Variants in DNM3 observed in about 807,000 individuals in gnomAD.
The protein encoded by DNM3 is dynamin 3.
Under a neutral mutation model 101.6 loss-of-function variants are expected in DNM3, and 47 were observed. That is an observed-to-expected ratio of 0.46 (90% confidence interval 0.37 to 0.59). DNM3 has a LOEUF of 0.59. Among genes scored for constraint, DNM3 ranks in the 20% least tolerant of loss-of-function variants. The pLI, the probability that DNM3 is intolerant of heterozygous loss-of-function variation, is 0.00. For synonymous variants in DNM3, 385 were observed against 387.9 expected (o/e 0.99, Z 0.09); for missense variants, 849 against 1,085.7 (o/e 0.78, Z 3.06).
At chr1:172,387,649 C>T (rs2069269289) in intron 19 of DNM3, among the ~76,000 whole-genome samples, 1 of 151,030 alleles carries the variant, frequency 6.6e-6, no homozygotes, top group South Asian at 2.1e-4. Context: ...CAGAGCAAGA[C>T]TCCGTCTCAA....
intron 4 of DNM3, among the ~76,000 whole-genome samples, chr1:172,026,547 T>A (rs10797716): frequency 2.6e-5 from 4 of 151,598 alleles, no homozygotes; most frequent in Non-Finnish European, 4.4e-5. Context: ...ATGTTAAGGG[T>A]AGCCAGAGAG....
intron 9 of DNM3, among the ~76,000 whole-genome samples, chr1:172,045,690 G>T (rs966739224): frequency 6.6e-6 from 1 of 152,162 alleles, no homozygotes; most frequent in Non-Finnish European, 1.5e-5. Context: ...ATAACTTAAT[G>T]AACATATGTT....
chr1:171,907,610 G>T (rs938510349), intron 1 of DNM3, among the ~76,000 whole-genome samples: 1 of 152,054 alleles, frequency 6.6e-6, no homozygotes, highest in African/African-American at 2.4e-5. Flanking sequence ...AGGTGATCTG[G>T]CGCCCCTTTC....
chr1:172,115,587 CT>C, intron 13 of DNM3, among the ~76,000 whole-genome samples: 1 of 152,312 alleles, frequency 6.6e-6, no homozygotes, highest in African/African-American at 2.4e-5. Context: ...GCTCCTCCCC[CT>C]CTCGCTCACT....
chr1:172,275,841 G>A (rs2063265252), intron 15 of DNM3, among the ~76,000 whole-genome samples: 1 of 152,036 alleles, frequency 6.6e-6, no homozygotes, highest in African/African-American at 2.4e-5. Context: ...TTTCCTTACT[G>A]AAGTGTTTTA....
chr1:172,405,502 T>C (rs1248427920), intron 20 of DNM3, among the ~76,000 whole-genome samples: 1 of 152,052 alleles, frequency 6.6e-6, no homozygotes, highest in Non-Finnish European at 1.5e-5. Context: ...TTCATTCCTT[T>C]CTCTCTTGGC....
chr1:172,001,366 T>G (rs2125672684), intron 4 of DNM3, among the ~76,000 whole-genome samples: 1 of 152,094 alleles, frequency 6.6e-6, no homozygotes, highest in South Asian at 2.1e-4. Context: ...GGCTGAACCG[T>G]TCACCCTTGA....
At chr1:172,182,361 GACAGGGTGCTC>G (rs1402715089) in intron 14 of DNM3, among the ~76,000 whole-genome samples, 1 of 152,018 alleles carries the variant, frequency 6.6e-6, no homozygotes, top group African/African-American at 2.4e-5. Flanking sequence ...GAAGCTAGAG[GACAGGGTGCTC>G]TGAAGAAATA....
intron 1 of DNM3, among the ~76,000 whole-genome samples, chr1:171,916,336 T>C (rs2039708184): frequency 6.6e-6 from 1 of 152,212 alleles, no homozygotes; most frequent in Non-Finnish European, 1.5e-5. Context: ...TTAATGCATA[T>C]AAAGCAATCA....
rs1320694288 is a variant in DNM3, at chr1:172,070,443, ATAAATCC to A, written c.1422+1541_1422+1547del. The stretch of plus-strand genomic sequence containing the variant: ...TTTCATCTATAATATTCAAATGATA[ATAAATCC>A]TACTTAACTCTTTAGGATCCGCTGT... On this transcript the variant is annotated intron_variant, in intron 11 of 20. Transcript: ENST00000627582. Among the ~76,000 whole-genome samples the A allele has an allele frequency of 6.6e-5, 10 of 152,372 alleles. No individual in the cohort carries two copies. The South Asian group carries it at 2.1e-3, about 32-fold the overall frequency.
Position 172,007,194 on chromosome 1 carries a change from T to A in DNM3, c.589+18046T>A, listed in dbSNP as rs776989718. Among the ~76,000 whole-genome samples the A allele has an allele frequency of 2.0e-5, 3 of 152,138 alleles. No individual in the cohort carries two copies. In the East Asian group the frequency reaches 5.8e-4, roughly 29 times the overall value. ...ATACCTAAGAGAGGAATTGCACATATTAAAAAAATTTTAAAAACTACTAAG... is the reference window on the plus strand; with the variant it reads ...ATACCTAAGAGAGGAATTGCACATAATAAAAAAATTTTAAAAACTACTAAG... On this transcript the variant is annotated intron_variant, in intron 4 of 20. Transcript: ENST00000627582.
chr1:171,969,781 C>T (rs1558346288), intron 2 of DNM3, among the ~76,000 whole-genome samples: 2 of 152,088 alleles, frequency 1.3e-5, no homozygotes, highest in Non-Finnish European at 2.9e-5. Flanking sequence ...TCTCTGGGCC[C>T]TAATAAATAT....
intron 13 of DNM3, among the ~76,000 whole-genome samples, chr1:172,102,288 A>G (rs545771845): frequency 6.6e-6 from 1 of 152,330 alleles, no homozygotes; most frequent in South Asian, 2.1e-4. Context: ...TTTTAATTCT[A>G]TAAAAATATC....
At chr1:172,038,596 ACT>A in intron 7 of DNM3, 135 bp downstream of exon 7, 1 of 1,162,258 alleles carries the variant, frequency 8.6e-7, no homozygotes, top group Non-Finnish European at 1.2e-6. Context: ...ATACAAGATA[ACT>A]CTTGAATTTT....
intron 2 of DNM3, among the ~76,000 whole-genome samples, chr1:171,932,002 TCCTTCCTCCCTC>T (rs1216607318): frequency 9.6e-6 from 1 of 103,850 alleles, no homozygotes; most frequent in Non-Finnish European, 2.0e-5. Flanking sequence ...CTCCCTTCCT[TCCTTCCTCCCTC>T]CCTTCCTCCC....
chr1:171,917,437 A>G (rs866435738), intron 1 of DNM3, among the ~76,000 whole-genome samples: 49 of 152,316 alleles, frequency 3.2e-4, no homozygotes, highest in African/African-American at 1.0e-3. Context: ...TTCTTAAACT[A>G]TAGTGTGGGA....
chr1:172,390,891 G>T (rs533642107), intron 20 of DNM3, among the ~76,000 whole-genome samples: 68 of 152,304 alleles, frequency 4.5e-4, no homozygotes, highest in Middle Eastern at 3.4e-3. Context: ...CCTGGGGAAT[G>T]AACATGCATG....
intron 16 of DNM3, among the ~76,000 whole-genome samples, chr1:172,319,072 G>A (rs1027869343): frequency 6.6e-6 from 1 of 152,060 alleles, no homozygotes; most frequent in Non-Finnish European, 1.5e-5. Context: ...AGAGCCCTCA[G>A]AAATAACGCC....
At position 172,085,479 on chromosome 1, in the gene DNM3, T is replaced by G. The variant is rs774156187; in HGVS notation, c.1493+3577T>G. Among the ~76,000 whole-genome samples, 3 of 152,096 alleles carry G rather than the reference T, an allele frequency of 2.0e-5. 1 individual carries two copies. Among genetic ancestry groups the G allele is most frequent in the Non-Finnish European group, 4.4e-5 (3 of 67,996 alleles). On this transcript the variant is annotated intron_variant, in intron 12 of 20. Coordinates refer to ENST00000627582, the MANE Select transcript of DNM3 (RefSeq NM_015569.5). ...TGACACAATTTGCTTTCTGAGTTAC[T>G]AGGATTTATGCAGTCCAATGGTTAA...
Sources: allele counts gnomAD v4.1 joint callset (sites outside exome capture counted in the v4.1 genomes callset), GRCh38; gene constraint gnomAD v4.1.1; transcripts MANE v1.5; gene names NCBI Gene and HGNC (gene_info 2026-07-23, HGNC 2026-07-21).